The following NFIA variants were observed in gnomAD, a reference collection of about 807,000 sequenced individuals.
The protein encoded by NFIA is nuclear factor 1 A-type.
Under a neutral mutation model 62.8 loss-of-function variants are expected in NFIA, and 8 were observed. That is an observed-to-expected ratio of 0.13 (90% confidence interval 0.07 to 0.23). NFIA has a LOEUF of 0.23. Among genes scored for constraint, NFIA ranks in the 10% least tolerant of loss-of-function variants. The probability of loss-of-function intolerance (pLI) is 1.00; values close to 1 mark genes in which losing one functional copy is unlikely to be tolerated. For synonymous variants in NFIA, 235 were observed against 238.1 expected (o/e 0.99, Z 0.12); for missense variants, 410 against 642.1 (o/e 0.64, Z 3.91).
intron 2 of NFIA, among the ~76,000 whole-genome samples, chr1:61,199,471 C>T (rs1570364730): frequency 6.6e-6 from 1 of 152,112 alleles, no homozygotes; most frequent in South Asian, 2.1e-4. Flanking sequence ...ATGAGCATAC[C>T]ATGGCTTATG....
At chr1:61,325,714 C>A (rs1294902751) in intron 3 of NFIA, among the ~76,000 whole-genome samples, 1 of 152,012 alleles carries the variant, frequency 6.6e-6, no homozygotes, top group Admixed American at 6.5e-5. Flanking sequence ...GTCAGGAGAT[C>A]GAGACCATCC....
At chr1:61,256,685 A>T (rs1168583194) in intron 2 of NFIA, among the ~76,000 whole-genome samples, 9 of 152,150 alleles carry the variant, frequency 5.9e-5, no homozygotes, top group Admixed American at 3.3e-4. Flanking sequence ...GAAAGTTAAC[A>T]GTCATGGTTT....
chr1:61,205,187 A>T (rs1652814586), intron 2 of NFIA, among the ~76,000 whole-genome samples: 1 of 152,220 alleles, frequency 6.6e-6, no homozygotes, highest in Non-Finnish European at 1.5e-5. Context: ...TACTGCTAGG[A>T]TATTTTATAG....
chr1:61,235,017 T>G (rs1264427032), intron 2 of NFIA, among the ~76,000 whole-genome samples: 1 of 152,224 alleles, frequency 6.6e-6, no homozygotes, highest in Non-Finnish European at 1.5e-5. Context: ...TAGTCAAGCC[T>G]TTATACCCCT....
chr1:61,170,050 A>G (rs570915715), intron 2 of NFIA, among the ~76,000 whole-genome samples: 55 of 152,260 alleles, frequency 3.6e-4, no homozygotes, highest in African/African-American at 1.3e-3. Context: ...TTTGGAAGGC[A>G]TGGTAAATTA....
chr1:61,160,605 C>A (rs761554446), intron 2 of NFIA, among the ~76,000 whole-genome samples: 4 of 152,252 alleles, frequency 2.6e-5, no homozygotes, highest in Non-Finnish European at 1.5e-5. Flanking sequence ...TGAACTTGGA[C>A]GGTTAAAACC....
At chr1:61,247,889 C>T (rs1461836102) in intron 2 of NFIA, among the ~76,000 whole-genome samples, 3 of 152,208 alleles carry the variant, frequency 2.0e-5, no homozygotes, top group African/African-American at 7.2e-5. Flanking sequence ...TAAGTATTCT[C>T]ATGAGCTCCT....
chr1:61,159,068 A>C (rs75783946), intron 2 of NFIA, among the ~76,000 whole-genome samples: 3,238 of 151,974 alleles, frequency 0.021, 70 homozygotes, highest in East Asian at 0.093. Flanking sequence ...TTTTTTTTCC[A>C]TCTTCTTCTC....
chr1:61,142,341 G>A (rs1355965021), intron 2 of NFIA, among the ~76,000 whole-genome samples: 1 of 152,130 alleles, frequency 6.6e-6, no homozygotes, highest in Non-Finnish European at 1.5e-5. Context: ...TTCTGTTTAT[G>A]GTAAACTTGG....
At chr1:61,262,297 T>TC (rs1436310342) in intron 2 of NFIA, among the ~76,000 whole-genome samples, 1 of 152,234 alleles carries the variant, frequency 6.6e-6, no homozygotes, top group African/African-American at 2.4e-5. Flanking sequence ...ATGACTTTGT[T>TC]CATTATGACT....
intron 2 of NFIA, among the ~76,000 whole-genome samples, chr1:61,215,872 C>T (rs1331940194): frequency 1.3e-5 from 2 of 152,220 alleles, no homozygotes; most frequent in Admixed American, 1.3e-4. Flanking sequence ...CTGACCCAGT[C>T]AGGTAAAATG....
At chr1:61,255,377 G>A (rs1427483019) in intron 2 of NFIA, among the ~76,000 whole-genome samples, 1 of 152,090 alleles carries the variant, frequency 6.6e-6, no homozygotes, top group Non-Finnish European at 1.5e-5. Flanking sequence ...TGATTCTCTT[G>A]GTGTAAAACC....
intron 2 of NFIA, among the ~76,000 whole-genome samples, chr1:61,150,297 T>C (rs1648306425): frequency 6.6e-6 from 1 of 152,184 alleles, no homozygotes; most frequent in Non-Finnish European, 1.5e-5. Context: ...AGGATTATAG[T>C]TTGTTTTCTT....
chr1:61,085,887 G>T (rs926208562), intron 1 of NFIA, among the ~76,000 whole-genome samples: 4 of 152,190 alleles, frequency 2.6e-5, no homozygotes, highest in Middle Eastern at 3.4e-3. Flanking sequence ...TGGGCATTTG[G>T]TTGGCAGGTA....
chr1:61,193,196 T>G (rs1336026453), intron 2 of NFIA, among the ~76,000 whole-genome samples: 3 of 152,202 alleles, frequency 2.0e-5, no homozygotes, highest in Non-Finnish European at 2.9e-5. Context: ...GACCAATTTA[T>G]AAAACGTTCA....
chr1:61,156,115 C>T (rs1177410424), intron 2 of NFIA, among the ~76,000 whole-genome samples: 1 of 152,190 alleles, frequency 6.6e-6, no homozygotes, highest in African/African-American at 2.4e-5. Context: ...GCCTGGGCGA[C>T]AGAGCGAGAC....
intron 2 of NFIA, among the ~76,000 whole-genome samples, chr1:61,093,627 T>C (rs1246054185): frequency 6.6e-6 from 1 of 152,214 alleles, no homozygotes; most frequent in African/African-American, 2.4e-5. Flanking sequence ...AACAATATCC[T>C]TTACCTAGAA....
intron 2 of NFIA, among the ~76,000 whole-genome samples, chr1:61,238,821 A>G (rs1023828869): frequency 1.3e-5 from 2 of 152,168 alleles, no homozygotes; most frequent in Non-Finnish European, 2.9e-5. Flanking sequence ...GGCTTCAGAC[A>G]TTATAATGTG....
intron 2 of NFIA, among the ~76,000 whole-genome samples, chr1:61,169,432 C>T (rs201495535): frequency 0.02 from 3,050 of 152,246 alleles, 65 homozygotes; most frequent in East Asian, 0.092. Context: ...CCAGTAGAAT[C>T]CTATTTGTCA....
Sources: gnomAD v4.1 joint callset for allele counts (sites outside exome capture counted in the v4.1 genomes callset) on GRCh38, gnomAD v4.1.1 for gene constraint, MANE v1.5 for transcripts, NCBI Gene and HGNC (gene_info 2026-07-23, HGNC 2026-07-21) for gene names.